Variants in CACNA2D3 observed in about 807,000 individuals in gnomAD.
The protein encoded by CACNA2D3 is calcium voltage-gated channel auxiliary subunit alpha2delta 3.
Under a neutral mutation model 160.6 loss-of-function variants are expected in CACNA2D3, and 60 were observed. The observed-to-expected ratio is 0.37, with a 90% CI of 0.30 to 0.46. The LOEUF (loss-of-function observed/expected upper bound fraction) is 0.46, where lower values mean the gene tolerates loss of function less well. CACNA2D3 is among the 20% of genes least tolerant of loss of function. CACNA2D3 has a pLI of 1.00. For synonymous variants in CACNA2D3, 558 were observed against 492.9 expected, an observed-to-expected ratio of 1.13 and a Z score of -1.75; for missense variants, 1,205 against 1,365.0, an observed-to-expected ratio of 0.88 and a Z score of 1.85.
At chr3:55,060,111 C>G (rs1004938740) in intron 35 of CACNA2D3, among the ~76,000 whole-genome samples, 3 of 152,072 alleles carry the variant, frequency 2.0e-5, no homozygotes, top group African/African-American at 7.2e-5. Flanking sequence ...CCTGCTGTCT[C>G]CTACGCAGTA....
At chr3:54,885,719 A>G (rs73065608) in intron 23 of CACNA2D3, 133 bp downstream of exon 23, 26,403 of 659,674 alleles carry the variant, frequency 0.04, 735 homozygotes, top group Non-Finnish European at 0.057. Flanking sequence ...AAATCTAATC[A>G]AATATCTGCT....
chr3:54,821,641 G>GTTTCT (rs1204861925), intron 14 of CACNA2D3, among the ~76,000 whole-genome samples: 31 of 107,828 alleles, frequency 2.9e-4, no homozygotes, highest in Non-Finnish European at 3.8e-4. Flanking sequence ...AGAGTCTTTC[G>GTTTCT]TTCTTTCTTT....
chr3:54,968,358 C>A, intron 27 of CACNA2D3, 92 bp from the exon 28 acceptor site: 1 of 811,110 alleles, frequency 1.2e-6, no homozygotes, highest in Non-Finnish European at 2.1e-6. Flanking sequence ...CTTATATCAG[C>A]TTCTTGCCAT....
chr3:54,248,878 G>A (rs1055608499), intron 2 of CACNA2D3, among the ~76,000 whole-genome samples: 2 of 152,224 alleles, frequency 1.3e-5, no homozygotes, highest in African/African-American at 4.8e-5. Flanking sequence ...GGTAGTGGAA[G>A]AAGGTAGTTG....
rs925478019 is a variant in CACNA2D3, at chr3:54,377,113, A to C, written c.322-9602A>C. Among the ~76,000 whole-genome samples, 8 of 152,352 alleles carry C rather than the reference A, an allele frequency of 5.3e-5. No homozygotes were observed. In the South Asian group the frequency reaches 1.7e-3, roughly 32 times the overall value. On this transcript the variant is annotated intron_variant, in intron 3 of 37. Coordinates refer to ENST00000474759, the MANE Select transcript of CACNA2D3 (RefSeq NM_018398.3). ...TCCTGTCCAGTGTCTCACAGGTGCC[A>C]TCTGTCACAGGAGCTTGCTTTGGCA...
At chr3:54,749,334 G>GCC (rs1701814801) in intron 11 of CACNA2D3, among the ~76,000 whole-genome samples, 1 of 152,182 alleles carries the variant, frequency 6.6e-6, no homozygotes, top group African/African-American at 2.4e-5. Flanking sequence ...TATCAATAAA[G>GCC]ACTTAGAATT....
intron 4 of CACNA2D3, among the ~76,000 whole-genome samples, chr3:54,401,911 A>G (rs1699473463): frequency 6.6e-6 from 1 of 152,206 alleles, no homozygotes; most frequent in Non-Finnish European, 1.5e-5. Context: ...AAAAGTCAAA[A>G]CAGTCAAAAA....
At chr3:54,321,355 C>T (rs1703988360) in intron 3 of CACNA2D3, among the ~76,000 whole-genome samples, 2 of 151,942 alleles carry the variant, frequency 1.3e-5, no homozygotes, top group African/African-American at 2.4e-5. Flanking sequence ...ATGTGTTGCC[C>T]AGGCTGTTCT....
intron 2 of CACNA2D3, among the ~76,000 whole-genome samples, chr3:54,139,071 C>T (rs1026814509): frequency 6.6e-6 from 1 of 152,200 alleles, no homozygotes. Flanking sequence ...TCTGGGGCAG[C>T]TCGCTGCTTC....
Position 54,638,238 on chromosome 3 carries a change from G to A in CACNA2D3, c.1054-3890G>A, listed in dbSNP as rs980440401. 2.0e-5 allele frequency: 3 copies of A among 151,952 alleles called. No homozygotes were observed. The East Asian group carries it at 5.8e-4, about 29-fold the overall frequency. 9.4% of individuals were successfully genotyped at this position (151,952 alleles called of 1,614,324 possible). On this transcript the variant is annotated intron_variant, in intron 10 of 37. Transcript: ENST00000474759. ...ACCTTTTAGGGGCTAGGGCTGTAAA[G>A]TGTCTTAGGGTTGCTGCCAAACGAG... is the stretch of plus-strand genomic sequence containing the variant.
intron 4 of CACNA2D3, among the ~76,000 whole-genome samples, chr3:54,439,126 A>G (rs1306898245): frequency 6.6e-6 from 1 of 152,158 alleles, no homozygotes. Flanking sequence ...CAGTGTCCCT[A>G]TCCCATTGAT....
intron 4 of CACNA2D3, among the ~76,000 whole-genome samples, chr3:54,418,921 C>G (rs571753762): frequency 6.6e-6 from 1 of 152,292 alleles, no homozygotes; most frequent in African/African-American, 2.4e-5. Flanking sequence ...TAACCTCTAC[C>G]TCCTTTGTAG....
intron 11 of CACNA2D3, among the ~76,000 whole-genome samples, chr3:54,717,552 TGTGTGTG>T (rs893096613): frequency 2.7e-3 from 20 of 7,344 alleles, no homozygotes; most frequent in African/African-American, 5.1e-3. Flanking sequence ...GCATGTGTGG[TGTGTGTG>T]TGTGTGTGTG....
At chr3:54,469,664 A>G (rs1700693450) in intron 4 of CACNA2D3, among the ~76,000 whole-genome samples, 1 of 152,138 alleles carries the variant, frequency 6.6e-6, no homozygotes, top group Admixed American at 6.5e-5. Context: ...ACCCGATACA[A>G]GGAAGCTAAG....
chr3:54,947,125 C>T (rs2107003903), intron 27 of CACNA2D3, among the ~76,000 whole-genome samples: 1 of 152,244 alleles, frequency 6.6e-6, no homozygotes, highest in East Asian at 1.9e-4. Flanking sequence ...TACTGTGTTC[C>T]AGACACTGTG....
intron 11 of CACNA2D3, among the ~76,000 whole-genome samples, chr3:54,645,495 C>T (rs1054536940): frequency 1.3e-5 from 2 of 152,196 alleles, no homozygotes; most frequent in Admixed American, 1.3e-4. Context: ...AGCAGCTGTC[C>T]CCATTAGGCA....
rs1553735629 is a variant in CACNA2D3, at chr3:54,149,932, C to CCCTCCCTCT, written c.204+26339_204+26340insCTCCCTCTC. ...CTCTCTCTCTCTCTCTCTCTCTCTC[C>CCCTCCCTCT]CTCCCTCCCTCCCTCCCTCCCTCCC... On this transcript the variant is annotated intron_variant, in intron 2 of 37. Transcript: ENST00000474759. 4.3e-3 allele frequency among the ~76,000 whole-genome samples: 102 copies of CCCTCCCTCT among 23,804 alleles called. 1 individual carries two copies. Among genetic ancestry groups the CCCTCCCTCT allele is most frequent in the Non-Finnish European group, 7.1e-3 (87 of 12,194 alleles). The allele number at this position is 23,804 out of a possible 152,430, so 15.6% of individuals were successfully genotyped here.
intron 13 of CACNA2D3, among the ~76,000 whole-genome samples, chr3:54,803,137 C>G (rs533677099): frequency 1.3e-5 from 2 of 152,190 alleles, no homozygotes; most frequent in African/African-American, 2.4e-5. Flanking sequence ...AAAGGAAACT[C>G]TAAAAAGCAG....
chr3:54,723,225 C>T (rs972521192), intron 11 of CACNA2D3, among the ~76,000 whole-genome samples: 15 of 152,192 alleles, frequency 9.9e-5, no homozygotes, highest in East Asian at 1.9e-4. Context: ...TCAGCAATGG[C>T]GGACGTCCCT....
Sources: gnomAD v4.1 joint callset for allele counts (sites outside exome capture counted in the v4.1 genomes callset) on GRCh38, gnomAD v4.1.1 for gene constraint, MANE v1.5 for transcripts, NCBI Gene and HGNC (gene_info 2026-07-23, HGNC 2026-07-21) for gene names.